The following PIBF1 variants were observed in gnomAD, a reference collection of about 807,000 sequenced individuals.
The protein encoded by PIBF1 is progesterone immunomodulatory binding factor 1.
In PIBF1, 90 loss-of-function variants were observed where a neutral mutation model predicts 112.5. The ratio of observed to expected loss-of-function variants is 0.80; its 90% CI spans 0.67 to 0.95. PIBF1 has a LOEUF of 0.95. Among genes scored for constraint, PIBF1 ranks in the 40% least tolerant of loss-of-function variants. The probability of loss-of-function intolerance (pLI) is 0.00; values close to 1 mark genes in which losing one functional copy is unlikely to be tolerated. For missense variants in PIBF1, 915 were observed against 852.3 expected, an observed-to-expected ratio of 1.07 and a Z score of -0.92; for synonymous variants, 301 against 288.6, an observed-to-expected ratio of 1.04 and a Z score of -0.44.
intron 16 of PIBF1, among the ~76,000 whole-genome samples, chr13:72,982,277 A>C (rs1469571206): frequency 6.6e-6 from 1 of 152,114 alleles, no homozygotes; most frequent in Non-Finnish European, 1.5e-5. Context: ...CTCTACAAAA[A>C]ATATGAAAAT....
At chr13:72,891,435 G>A (rs572993169) in intron 10 of PIBF1, among the ~76,000 whole-genome samples, 1 of 152,090 alleles carries the variant, frequency 6.6e-6, no homozygotes, top group South Asian at 2.1e-4. Context: ...AAAACAACTT[G>A]CCTCAAAGAG....
intron 10 of PIBF1, among the ~76,000 whole-genome samples, chr13:72,855,464 C>A (rs984278579): frequency 3.3e-5 from 5 of 151,976 alleles, no homozygotes; most frequent in Non-Finnish European, 7.4e-5. Context: ...GGTTGGGCAA[C>A]ATGGTAAAAC....
In PIBF1 at chr13:72,919,719, A is replaced by T. The variant is rs115771353; in HGVS notation, c.1730+2553A>T. Among the ~76,000 whole-genome samples the T allele has an allele frequency of 6.5e-3, 971 of 148,692 alleles. 13 individuals carry two copies. The highest frequency in any genetic ancestry group is 0.022 in the African/African-American group (901 of 40,464). On this transcript the variant is annotated intron_variant, in intron 13 of 17. Coordinates refer to ENST00000326291, the MANE Select transcript of PIBF1 (RefSeq NM_006346.4). Reference sequence around the variant, plus strand: ...GCAGTGACTCACACCTGTATTCCCAACACTTTGAGAGGCCAATGCAGGCAA... The same window carrying T: ...GCAGTGACTCACACCTGTATTCCCATCACTTTGAGAGGCCAATGCAGGCAA...
chr13:72,840,872 T>C (rs1737217331), intron 9 of PIBF1, among the ~76,000 whole-genome samples: 1 of 152,186 alleles, frequency 6.6e-6, no homozygotes, highest in African/African-American at 2.4e-5. Context: ...TAATGAAATA[T>C]ATTTTGCCTT....
chr13:72,923,226 C>T (rs2041360857), intron 13 of PIBF1, among the ~76,000 whole-genome samples: 1 of 152,154 alleles, frequency 6.6e-6, no homozygotes, highest in Admixed American at 6.5e-5. Flanking sequence ...CAGATATAAA[C>T]AAAACTCTGT....
intron 13 of PIBF1, among the ~76,000 whole-genome samples, chr13:72,923,031 G>A (rs2041352229): frequency 6.6e-6 from 1 of 152,110 alleles, no homozygotes; most frequent in Non-Finnish European, 1.5e-5. Context: ...AACCATCTTT[G>A]ATGCCATGCT....
intron 10 of PIBF1, among the ~76,000 whole-genome samples, chr13:72,866,161 A>G (rs2038918626): frequency 1.3e-5 from 2 of 152,026 alleles, no homozygotes; most frequent in Non-Finnish European, 2.9e-5. Flanking sequence ...TCTTATATGG[A>G]TATATCTGAT....
chr13:72,976,710 G>A (rs2043031043), intron 16 of PIBF1, among the ~76,000 whole-genome samples: 1 of 152,102 alleles, frequency 6.6e-6, no homozygotes, highest in Non-Finnish European at 1.5e-5. Flanking sequence ...TTGCATATAT[G>A]GAAAGAAAAC....
chr13:72,860,802 A>T (rs1028356239), intron 10 of PIBF1, among the ~76,000 whole-genome samples: 11 of 152,306 alleles, frequency 7.2e-5, no homozygotes, highest in African/African-American at 2.6e-4. Flanking sequence ...TTTCTTTTCT[A>T]CAAAGGAAAG....
chr13:72,916,808 T>C (rs1350263967), intron 12 of PIBF1, among the ~76,000 whole-genome samples: 1 of 152,162 alleles, frequency 6.6e-6, no homozygotes, highest in East Asian at 1.9e-4. Flanking sequence ...GAATAATACA[T>C]GTATTATTAT....
chr13:72,827,871 A>T lies in PIBF1; in HGVS notation c.1054A>T (p.Lys352Ter). 6.3e-7 allele frequency: 1 copy of T among 1,595,486 alleles called. No individual in the cohort carries two copies. The highest frequency in any genetic ancestry group is 8.5e-7 in the Non-Finnish European group (1 of 1,170,974). The change falls in exon 8 of 18, where the codon AAA becomes TAA. Residue 352 changes from lysine to a stop codon, truncating the protein, a stop_gained. Coordinates refer to ENST00000326291, the MANE Select transcript of PIBF1 (RefSeq NM_006346.4). LOFTEE classifies it high-confidence loss of function. ...ACTTCAAGCTCAACTGGAAGAAAGCAAAAAGGCTAGAGAAGAGATGTATGA... is the reference window on the plus strand; with the variant it reads ...ACTTCAAGCTCAACTGGAAGAAAGCTAAAAGGCTAGAGAAGAGATGTATGA... ...ERLQAQLEES[K>*]KAREEMYEKY...
At chr13:72,868,339 C>A (rs1208539664) in intron 10 of PIBF1, among the ~76,000 whole-genome samples, 1 of 151,986 alleles carries the variant, frequency 6.6e-6, no homozygotes, top group Non-Finnish European at 1.5e-5. Flanking sequence ...ACTATTTCTC[C>A]TTGCCTTCAG....
At chr13:72,998,174 AAAG>A (rs566544884) in intron 16 of PIBF1, among the ~76,000 whole-genome samples, 10 of 152,324 alleles carry the variant, frequency 6.6e-5, no homozygotes, top group South Asian at 2.1e-4. Context: ...CGACAGTTTA[AAAG>A]AAGAAGAGAA....
At position 72,821,970 on chromosome 13, in the gene PIBF1, A is replaced by G; in HGVS notation, c.794A>G (p.Asp265Gly). The change falls in exon 6 of 18, where the codon GAT becomes GGT. Residue 265 changes from aspartate (D) to glycine (G), a missense_variant. Coordinates refer to ENST00000326291, the MANE Select transcript of PIBF1 (RefSeq NM_006346.4). Reference protein sequence around the residue: ...QQGDYRQENYDKVKSERDALE... With the variant: ...QQGDYRQENYGKVKSERDALE... ...GGTGACTACCGTCAAGAGAACTATG[A>G]TAAAGTCAAGAGGTAAGTAGTTAAA... 6.2e-7 allele frequency: 1 copy of G among 1,611,514 alleles called. No homozygotes were observed. The highest frequency in any genetic ancestry group is 8.5e-7 in the Non-Finnish European group (1 of 1,178,838).
chr13:72,839,362 T>C (rs997186), intron 9 of PIBF1, among the ~76,000 whole-genome samples: 47,506 of 152,092 alleles, frequency 0.31, 8,995 homozygotes, highest in African/African-American at 0.53. Context: ...AATAGTGATA[T>C]AGTTTTTAAA....
At chr13:72,873,012 A>G (rs1167614991) in intron 10 of PIBF1, among the ~76,000 whole-genome samples, 3 of 152,202 alleles carry the variant, frequency 2.0e-5, no homozygotes, top group Non-Finnish European at 4.4e-5. Flanking sequence ...TGTAGTGTCA[A>G]ATTTTCCCAA....
chr13:72,920,269 C>T (rs973355195), intron 13 of PIBF1, among the ~76,000 whole-genome samples: 3 of 152,170 alleles, frequency 2.0e-5, no homozygotes, highest in Non-Finnish European at 1.5e-5. Flanking sequence ...TATCTCCTGC[C>T]AGCTGGTGCC....
At chr13:72,971,478 G>C (rs1346059010) in intron 15 of PIBF1, among the ~76,000 whole-genome samples, 1 of 152,040 alleles carries the variant, frequency 6.6e-6, no homozygotes, top group East Asian at 1.9e-4. Context: ...ATACTGTTTT[G>C]TTCTTTTCAA....
intron 15 of PIBF1, among the ~76,000 whole-genome samples, chr13:72,968,025 A>G (rs978062050): frequency 2.3e-4 from 35 of 151,868 alleles, no homozygotes; most frequent in African/African-American, 8.0e-4. Context: ...CTCTACTAAA[A>G]ATACAAAAAT....
Sources: allele counts gnomAD v4.1 joint callset (sites outside exome capture counted in the v4.1 genomes callset), GRCh38; gene constraint gnomAD v4.1.1; transcripts MANE v1.5; gene names NCBI Gene and HGNC (gene_info 2026-07-23, HGNC 2026-07-21).